Variants in ZFP2 observed in about 807,000 individuals in gnomAD.
ZFP2 encodes zinc finger protein ZFP2.
Under a neutral mutation model 36.1 loss-of-function variants are expected in ZFP2, and 33 were observed. That is an observed-to-expected ratio of 0.92 (90% CI 0.69 to 1.22). The LOEUF (loss-of-function observed/expected upper bound fraction) is 1.22. Ranked by LOEUF, ZFP2 falls within the 50% of genes most tolerant of loss-of-function variation. The pLI, the probability that ZFP2 is intolerant of heterozygous loss-of-function variation, is 0.00. For missense variants in ZFP2, 522 were observed against 551.4 expected, an observed-to-expected ratio of 0.95 and a Z score of 0.53; for synonymous variants, 170 against 178.0, an observed-to-expected ratio of 0.96 and a Z score of 0.36.
At chr5:178,904,004 GA>G (rs200657757) in intron 1 of ZFP2, among the ~76,000 whole-genome samples, 26 of 140,248 alleles carry the variant, frequency 1.9e-4, no homozygotes, top group South Asian at 1.8e-3. Context: ...AAAGAAAAAA[GA>G]AAAAAAAAAG....
intron 4 of ZFP2, among the ~76,000 whole-genome samples, chr5:178,918,034 A>G (rs7704252): frequency 9.8e-4 from 149 of 152,266 alleles, no homozygotes; most frequent in African/African-American, 3.4e-3. Context: ...GACCCACTTT[A>G]AAATTGCAGA....
intron 3 of ZFP2, among the ~76,000 whole-genome samples, chr5:178,913,431 T>G (rs1308215006): frequency 6.6e-6 from 1 of 152,230 alleles, no homozygotes; most frequent in African/African-American, 2.4e-5. Context: ...CATGAGTGTT[T>G]CCTCTCAACC....
chr5:178,927,046 C>A (rs1758688984), intron 4 of ZFP2, among the ~76,000 whole-genome samples: 1 of 151,760 alleles, frequency 6.6e-6, no homozygotes, highest in Non-Finnish European at 1.5e-5. Context: ...TCTCTGTTGA[C>A]TTCGATCAGC....
In ZFP2 at chr5:178,931,485, G is replaced by A. The variant is rs376641990; in HGVS notation, c.172G>A (p.Asp58Asn). 31 of 1,613,998 alleles carry A rather than the reference G, an allele frequency of 1.9e-5. No homozygotes were observed. Among genetic ancestry groups the A allele is most frequent in the Non-Finnish European group, 2.5e-5 (30 of 1,180,030 alleles). ...GNEFERCSSQ[D>N]SILDTQQSIP... is the part of the protein sequence containing the mutation. Reference sequence around the variant, plus strand: ...TGAATTTGAAAGATGTTCCAGTCAGGATTCAATCCTTGATACACAGCAAAG... The same window carrying A: ...TGAATTTGAAAGATGTTCCAGTCAGAATTCAATCCTTGATACACAGCAAAG... The change falls in exon 5 of 5, where the codon GAT (aspartate) becomes AAT (asparagine). Residue 58 changes from aspartate to asparagine, a missense_variant. By Grantham distance (23) the Asp-to-Asn change is conservative. Coordinates refer to ENST00000361362, the MANE Select transcript of ZFP2 (RefSeq NM_030613.4).
chr5:178,914,353 C>T lies in ZFP2; in HGVS notation c.-224+1282C>T, dbSNP rs189596429. On this transcript the variant is annotated intron_variant, in intron 3 of 4. Transcript: ENST00000361362. ...AAGAATGGGATTCTGGGAGAGGAAT[C>T]ACTGGGTCAAAGGATATATCCATTT... 2.8e-4 allele frequency among the ~76,000 whole-genome samples: 42 copies of T among 152,218 alleles called. No homozygotes were observed. In the East Asian group the frequency reaches 6.8e-3, roughly 24 times the overall value.
At chr5:178,917,050 T>C (rs535182215) in intron 4 of ZFP2, among the ~76,000 whole-genome samples, 10 of 152,344 alleles carry the variant, frequency 6.6e-5, no homozygotes, top group Non-Finnish European at 1.0e-4. Flanking sequence ...GCCAGTATTT[T>C]CATTGTAAAC....
chr5:178,910,364 C>G lies in ZFP2; in HGVS notation c.-449-2220C>G, dbSNP rs1290147190. 2.9e-5 allele frequency: 30 copies of G among 1,046,736 alleles called. No homozygotes were observed. In the East Asian group the frequency reaches 6.7e-4, roughly 23 times the overall value. 64.8% of individuals were successfully genotyped at this position (1,046,736 alleles called of 1,614,324 possible). ...GTTCTTCCAACCCCTGCAAGGAAGA[C>G]TCCTCGGCACTGGAGTTGGACTCCC... On this transcript the variant is annotated intron_variant, in intron 1 of 4. Coordinates refer to ENST00000361362, the MANE Select transcript of ZFP2 (RefSeq NM_030613.4).
intron 1 of ZFP2, among the ~76,000 whole-genome samples, chr5:178,910,914 T>C (rs1030508025): frequency 1.3e-5 from 2 of 152,124 alleles, no homozygotes; most frequent in African/African-American, 4.8e-5. Context: ...AACCTTTTTA[T>C]AGGGAAAAAA....
In ZFP2 at chr5:178,932,740, A is replaced by G; in HGVS notation, c.*41A>G. On this transcript the variant is annotated 3_prime_UTR_variant, in exon 5 of 5. Transcript: ENST00000361362. ...GCCCTTACCTCATGATTAACTCTTC[A>G]GTAATAATCATATGAGACATACAAT... 1 of 1,531,106 alleles carries G rather than the reference A, an allele frequency of 6.5e-7. No individual in the cohort carries two copies. Among genetic ancestry groups the G allele is most frequent in the Non-Finnish European group, 8.7e-7 (1 of 1,142,982 alleles). The allele number at this position is 1,531,106 out of a possible 1,614,324, so 94.8% of individuals were successfully genotyped here. A position where few individuals can be genotyped will look rare whatever the true frequency, so the allele number is the denominator to read the frequency against.
rs1248209023 is a variant in ZFP2 at position 178,897,580 on chromosome 5, C to T, written c.-450+1606C>T. ...TTTTCCAAATGGTAAGCCTTTGTTA[C>T]AAGTTACTTAGTAATTTTTTCTTCG... On this transcript the variant is annotated intron_variant, in intron 1 of 4. Coordinates refer to ENST00000361362, the MANE Select transcript of ZFP2 (RefSeq NM_030613.4). Among the ~76,000 whole-genome samples the T allele has an allele frequency of 2.0e-5, 3 of 152,056 alleles. No homozygotes were observed. In the East Asian group the frequency reaches 5.8e-4, roughly 29 times the overall value.
chr5:178,909,641 G>T (rs1256687219), intron 1 of ZFP2: 14 of 1,405,210 alleles, frequency 1.0e-5, no homozygotes, highest in Admixed American at 5.3e-5. Flanking sequence ...TTCCCAAAAG[G>T]TCCAATTCCT....
At chr5:178,931,191 C>G in intron 4 of ZFP2, 46 bp from the exon 5 acceptor site, 2 of 1,477,950 alleles carry the variant, frequency 1.4e-6, no homozygotes, top group African/African-American at 2.8e-5. Context: ...TTTCCAGTCT[C>G]CTAGCACAGA....
Position 178,913,056 on chromosome 5 carries a change from G to A in ZFP2, c.-239G>A. ...GAGTCTGATGCAAAAAGAACCGCCT[G>A]AGGGTGGCTTTCGAGGTAAGTGCCA... On this transcript the variant is annotated 5_prime_UTR_variant, in exon 3 of 5. Coordinates refer to ENST00000361362, the MANE Select transcript of ZFP2 (RefSeq NM_030613.4). 3 of 985,878 alleles carry A rather than the reference G, an allele frequency of 3.0e-6. No homozygotes were observed. The highest frequency in any genetic ancestry group is 2.4e-6 in the Non-Finnish European group (2 of 829,964). 61.1% of individuals were successfully genotyped at this position (985,878 alleles called of 1,614,324 possible).
chr5:178,901,497 G>C (rs1166569000), intron 1 of ZFP2, among the ~76,000 whole-genome samples: 1 of 152,198 alleles, frequency 6.6e-6, no homozygotes, highest in Non-Finnish European at 1.5e-5. Flanking sequence ...AGCTTCTGGT[G>C]GTTTGCTGGC....
chr5:178,908,709 G>A (rs1758225369), intron 1 of ZFP2, among the ~76,000 whole-genome samples: 1 of 150,424 alleles, frequency 6.6e-6, no homozygotes, highest in Admixed American at 6.6e-5. Flanking sequence ...ATGTAGCCAG[G>A]TTCAAATATT....
chr5:178,915,293 A>G (rs1449959962), intron 3 of ZFP2, among the ~76,000 whole-genome samples: 1 of 139,144 alleles, frequency 7.2e-6, no homozygotes, highest in East Asian at 2.1e-4. Flanking sequence ...GTGCTTCCCT[A>G]CTGGGTTAGA....
chr5:178,898,082 C>T (rs1006200508), intron 1 of ZFP2, among the ~76,000 whole-genome samples: 8 of 152,144 alleles, frequency 5.3e-5, no homozygotes, highest in Middle Eastern at 3.4e-3. Flanking sequence ...TCTACCTCCC[C>T]GGTTCAAGTG....
rs984458788 is a variant in ZFP2, at chr5:178,932,923, A to G, written c.*224A>G. On this transcript the variant is annotated 3_prime_UTR_variant, in exon 5 of 5. Transcript: ENST00000361362. The stretch of plus-strand genomic sequence containing the variant: ...ATATCAGAAGGTTTAAATAGCTAAT[A>G]TAAACAATGAAGAGTCATGCTGAAG... The G allele has an allele frequency of 8.4e-5, 44 of 521,746 alleles. 1 individual carries two copies. The Middle Eastern group carries it at 2.7e-3, about 33-fold the overall frequency. 32.3% of individuals were successfully genotyped at this position (521,746 alleles called of 1,614,324 possible). A position where few individuals can be genotyped will look rare whatever the true frequency, so the allele number is the denominator to read the frequency against.
At chr5:178,925,958 C>T (rs1456837882) in intron 4 of ZFP2, among the ~76,000 whole-genome samples, 1 of 148,988 alleles carries the variant, frequency 6.7e-6, no homozygotes, top group East Asian at 1.9e-4. Context: ...GGCGATCCTC[C>T]CACCTCAGCC....
Sources: allele counts gnomAD v4.1 joint callset (sites outside exome capture counted in the v4.1 genomes callset), GRCh38; gene constraint gnomAD v4.1.1; transcripts MANE v1.5; gene names NCBI Gene and HGNC (gene_info 2026-07-23, HGNC 2026-07-21).